Variants in LEUTX observed in about 807,000 individuals in gnomAD.
LEUTX encodes the protein leucine twenty homeobox, also known as paired-like homeodomain transcription factor LEUTX.
A neutral mutation model predicts 4.5 loss-of-function variants in LEUTX; 5 were observed. The ratio of observed to expected loss-of-function variants is 1.11; its 90% confidence interval spans 0.58 to 2.34. LEUTX has a LOEUF of 2.34. Among genes scored for constraint, LEUTX ranks in the 30% most tolerant of loss-of-function variants. The pLI is 0.01. For synonymous variants in LEUTX, 89 were observed against 85.1 expected, an observed-to-expected ratio of 1.05 and a Z score of -0.25; for missense variants, 233 against 239.4, an observed-to-expected ratio of 0.97 and a Z score of 0.18.
Position 39,785,884 on chromosome 19 carries a change from C to T in LEUTX, c.346C>T (p.Arg116Cys), listed in dbSNP as rs905037976. Reference sequence around the variant, plus strand: ...CTCTGATGCAAATGACCATGATCTACGTGAGCCTTCTGGTATCAAGAATCC... The same window carrying T: ...CTCTGATGCAAATGACCATGATCTATGTGAGCCTTCTGGTATCAAGAATCC... ...GISDANDHDL[R>C]EPSGIKNPGG... is the part of the protein sequence containing the mutation. Residue 116 changes from arginine (R) to cysteine (C), a missense_variant, in exon 3 of 3, where the codon CGT (arginine) becomes TGT (cysteine). Arg to Cys is a radical substitution (Grantham distance 180, BLOSUM62 -3). Transcript: ENST00000638280. 5.2e-6 allele frequency: 8 copies of T among 1,551,668 alleles called. No individual in the cohort carries two copies. In the Admixed American group the frequency reaches 7.8e-5, roughly 15 times the overall value.
rs757909677 is a variant in LEUTX at position 39,785,918 on chromosome 19, C to T, written c.380C>T (p.Ala127Val). Residue 127 changes from alanine (A) to valine (V), a missense_variant, in exon 3 of 3, where the codon GCC (alanine) becomes GTC (valine). Coordinates refer to ENST00000638280, the MANE Select transcript of LEUTX (RefSeq NM_001382345.1). ...TCTGGTATCAAGAATCCTGGAGGAGCCAGCGCCTCTGCGAGGGTTTCATCC... is the reference window on the plus strand; with the variant it reads ...TCTGGTATCAAGAATCCTGGAGGAGTCAGCGCCTCTGCGAGGGTTTCATCC... ...EPSGIKNPGG[A>V]SASARVSSWD... is the part of the protein sequence containing the mutation. 5 of 1,551,654 alleles carry T rather than the reference C, an allele frequency of 3.2e-6. No individual in the cohort carries two copies. Among genetic ancestry groups the T allele is most frequent in the Non-Finnish European group, 4.4e-6 (5 of 1,147,010 alleles).
upstream of LEUTX, among the ~76,000 whole-genome samples, chr19:39,778,125 G>A (rs1412897333): frequency 6.6e-6 from 1 of 152,144 alleles, no homozygotes; most frequent in African/African-American, 2.4e-5. Flanking sequence ...AGAACGTTAG[G>A]GGGAGGAATA....
chr19:39,778,306 C>T (rs116379786), upstream of LEUTX, among the ~76,000 whole-genome samples: 1,050 of 152,314 alleles, frequency 6.9e-3, 16 homozygotes, highest in African/African-American at 0.024. Flanking sequence ...CAAATCCATA[C>T]TCAAGAGAAG....
intron 1 of LEUTX, among the ~76,000 whole-genome samples, chr19:39,781,980 A>G (rs1411582364): frequency 1.3e-5 from 2 of 152,164 alleles, no homozygotes; most frequent in African/African-American, 2.4e-5. Context: ...TCACAGAGCT[A>G]GTAAATGAGA....
intron 1 of LEUTX, among the ~76,000 whole-genome samples, chr19:39,779,621 T>C (rs1043608568): frequency 1.3e-5 from 2 of 152,254 alleles, no homozygotes; most frequent in Admixed American, 1.3e-4. Flanking sequence ...TGTTTTTCAA[T>C]TTACTTATGA....
At chr19:39,783,690 G>A (rs1226392823) in intron 1 of LEUTX, among the ~76,000 whole-genome samples, 1 of 151,130 alleles carries the variant, frequency 6.6e-6, no homozygotes, top group Non-Finnish European at 1.5e-5. Context: ...TTTTATTATG[G>A]CCATTCTTGT....
At chr19:39,784,926 A>G (rs1386703433) in intron 2 of LEUTX, among the ~76,000 whole-genome samples, 2 of 152,228 alleles carry the variant, frequency 1.3e-5, no homozygotes, top group African/African-American at 4.8e-5. Context: ...TTCCAACTCC[A>G]GACCCACCAT....
chr19:39,784,372 C>G (rs954118784), intron 1 of LEUTX, among the ~76,000 whole-genome samples, 155 bp from the exon 2 acceptor site: 3 of 152,070 alleles, frequency 2.0e-5, no homozygotes, highest in African/African-American at 7.2e-5. Context: ...TTTTCTGGTT[C>G]CTTCTCATTT....
At chr19:39,776,709 G>C (rs1461984946), upstream of LEUTX, 1 of 454,892 alleles carries the variant, frequency 2.2e-6, no homozygotes, top group Non-Finnish European at 4.4e-6. Flanking sequence ...TTCTCAAGTA[G>C]CTTGTGGTAA....
In LEUTX at chr19:39,778,895, G is replaced by A. The variant is rs910000124; in HGVS notation, c.-26G>A. 2.6e-5 allele frequency: 4 copies of A among 152,212 alleles called. No homozygotes were observed. The highest frequency in any genetic ancestry group is 7.2e-5 in the African/African-American group (3 of 41,518). 9.4% of individuals were successfully genotyped at this position (152,212 alleles called of 1,614,324 possible). A position where few individuals can be genotyped will look rare whatever the true frequency, so the allele number is the denominator to read the frequency against. ...GGAGCTCTGCAGCACACAGCTGATC[G>A]AACCCACTCATTTCTAGAGGACACC... is the stretch of plus-strand genomic sequence containing the variant. On this transcript the variant is annotated 5_prime_UTR_variant, in exon 1 of 3. Transcript: ENST00000638280.
chr19:39,777,773 C>T (rs550919687), upstream of LEUTX, among the ~76,000 whole-genome samples: 11 of 152,270 alleles, frequency 7.2e-5, no homozygotes, highest in East Asian at 2.1e-3. Context: ...ATGATGGCAC[C>T]ACTGCACTCT....
intron 1 of LEUTX, among the ~76,000 whole-genome samples, chr19:39,783,339 TTATATATATATACA>T (rs1599617785): frequency 8.1e-6 from 1 of 123,848 alleles, no homozygotes; most frequent in Admixed American, 8.8e-5. Flanking sequence ...ACATAAATTA[TTATATATATATACA>T]TATATATATA....
chr19:39,777,743 G>A (rs1169881768), upstream of LEUTX, among the ~76,000 whole-genome samples: 1 of 152,196 alleles, frequency 6.6e-6, no homozygotes, highest in African/African-American at 2.4e-5. Context: ...GAGCCCAGGA[G>A]TTGAAGGCTG....
rs903600569 is a variant in LEUTX, at chr19:39,784,808, A to G, written c.159+130A>G. ...TAAGGACAGATGTTAAGCACTTTAT[A>G]TTTTTATTGTCATGAGCACCCACTT... On this transcript the variant is annotated intron_variant, in intron 2 of 2. Transcript: ENST00000638280. 16 of 648,992 alleles carry G rather than the reference A, an allele frequency of 2.5e-5. No homozygotes were observed. In the African/African-American group the frequency reaches 2.6e-4, roughly 10 times the overall value. The allele number at this position is 648,992 out of a possible 1,614,324, so 40.2% of individuals were successfully genotyped here.
chr19:39,782,039 C>T (rs1967894729), intron 1 of LEUTX, among the ~76,000 whole-genome samples: 1 of 152,182 alleles, frequency 6.6e-6, no homozygotes, highest in Admixed American at 6.5e-5. Context: ...TCCTTCCCTA[C>T]AGACCCCATT....
chr19:39,777,804 A>G (rs1277846602), upstream of LEUTX, among the ~76,000 whole-genome samples: 3 of 152,172 alleles, frequency 2.0e-5, no homozygotes, highest in African/African-American at 7.2e-5. Context: ...ACAGAGTGAG[A>G]CCCTAAAACA....
upstream of LEUTX, among the ~76,000 whole-genome samples, chr19:39,778,663 C>CT (rs34540141): frequency 0.18 from 21,905 of 119,514 alleles, 2,278 homozygotes; most frequent in African/African-American, 0.29. Context: ...AAGGATCAGT[C>CT]TTTTTTTTTT....
At chr19:39,784,122 A>T (rs1049545108) in intron 1 of LEUTX, among the ~76,000 whole-genome samples, 2 of 151,224 alleles carry the variant, frequency 1.3e-5, no homozygotes, top group African/African-American at 4.9e-5. Context: ...ATTATTTTTT[A>T]TTTATGCTCT....
chr19:39,785,821 A>T lies in LEUTX; in HGVS notation c.283A>T (p.Ile95Leu), dbSNP rs774471747. ...GAAGAAGGAGGAGACTCCCTCAGCC[A>T]TAACTACTGCAAACATTCGTCCAGT... ...SVKKEETPSA[I>L]TTANIRPVSP... is the part of the protein sequence containing the mutation. The change falls in exon 3 of 3, where the codon ATA becomes TTA. Residue 95 changes from isoleucine to leucine, a missense_variant. Physicochemically the swap from Ile to Leu is conservative, Grantham distance 5. Coordinates refer to ENST00000638280, the MANE Select transcript of LEUTX (RefSeq NM_001382345.1). 1.2e-5 allele frequency: 19 copies of T among 1,551,666 alleles called. No homozygotes were observed. In the African/African-American group the frequency reaches 2.5e-4, roughly 20 times the overall value.
Sources: gnomAD v4.1 joint callset for allele counts (sites outside exome capture counted in the v4.1 genomes callset) on GRCh38, gnomAD v4.1.1 for gene constraint, MANE v1.5 for transcripts, NCBI Gene and HGNC (gene_info 2026-07-23, HGNC 2026-07-21) for gene names.